The following AR variants were observed in gnomAD, a reference collection of about 807,000 sequenced individuals.
AR encodes dihydrotestosterone receptor.
A neutral mutation model predicts 53.9 loss-of-function variants in AR; 8 were observed. The ratio of observed to expected loss-of-function variants is 0.15; its 90% CI spans 0.09 to 0.27. The LOEUF (loss-of-function observed/expected upper bound fraction) is 0.27, where lower values mean the gene tolerates loss of function less well. AR is among the 10% of genes least tolerant of loss of function. AR has a pLI of 1.00. For missense variants in AR, 639 were observed against 742.5 expected (o/e 0.86, Z 1.62); for synonymous variants, 359 against 316.4 (o/e 1.13, Z -1.43).
At chrX:67,618,056 C>T (rs1924201788) in intron 1 of AR, among the ~76,000 whole-genome samples, 1 of 112,045 alleles carries the variant, frequency 8.9e-6, no homozygotes, top group Admixed American at 9.5e-5. Flanking sequence ...TTGCCTAATT[C>T]AAAAATATAC....
intron 1 of AR, among the ~76,000 whole-genome samples, chrX:67,569,212 T>TG (rs377337049): frequency 0.063 from 1,084 of 17,326 alleles, 19 homozygotes; most frequent in African/African-American, 0.17. Flanking sequence ...ATTTTGTGTG[T>TG]GGGGGGGGGT....
chrX:67,713,000 G>A (rs1345178951), intron 4 of AR, among the ~76,000 whole-genome samples: 1 of 111,635 alleles, frequency 9.0e-6, no homozygotes, highest in African/African-American at 3.3e-5. Flanking sequence ...TAGTTACATA[G>A]TCAGAAAATA....
At chrX:67,684,763 A>G (rs1024155584) in intron 2 of AR, among the ~76,000 whole-genome samples, 3 of 112,211 alleles carry the variant, frequency 2.7e-5, no homozygotes, top group Non-Finnish European at 3.8e-5. Context: ...AACCTACTAC[A>G]TAAAATAGCC....
At chrX:67,646,475 T>C (rs1278321576) in intron 2 of AR, among the ~76,000 whole-genome samples, 1 of 110,973 alleles carries the variant, frequency 9.0e-6, no homozygotes, top group Admixed American at 9.7e-5. Context: ...AGAAAGTTGG[T>C]CAAAGTCTGT....
chrX:67,559,279 C>T (rs1169162484), intron 1 of AR, among the ~76,000 whole-genome samples: 2 of 112,132 alleles, frequency 1.8e-5, no homozygotes, highest in African/African-American at 3.2e-5. Context: ...TCCCTCCATT[C>T]CTCCTCCGTA....
intron 2 of AR, among the ~76,000 whole-genome samples, chrX:67,663,647 A>G (rs968580224): frequency 4.5e-5 from 5 of 111,306 alleles, no homozygotes; most frequent in Non-Finnish European, 7.5e-5. Context: ...TGTTCTCTGT[A>G]TTTCCTGAAT....
intron 1 of AR, among the ~76,000 whole-genome samples, chrX:67,548,519 T>TG (rs776584925): frequency 1.8e-5 from 2 of 111,334 alleles, no homozygotes; most frequent in Non-Finnish European, 3.8e-5. Flanking sequence ...AAACTTTTCT[T>TG]GGGGGAAAAT....
chrX:67,544,431 T>A lies in AR; in HGVS notation c.-716T>A. On this transcript the variant is annotated 5_prime_UTR_variant, in exon 1 of 8. Coordinates refer to ENST00000374690, the MANE Select transcript of AR (RefSeq NM_000044.6). ...GTCGGCTACTCTCAGCCAACCCCCCTCACCACCCTTCTCCCCACCCGCCCC... is the reference window on the plus strand; with the variant it reads ...GTCGGCTACTCTCAGCCAACCCCCCACACCACCCTTCTCCCCACCCGCCCC... The A allele has an allele frequency of 9.9e-6, 1 of 101,200 alleles. No homozygotes were observed. The highest frequency in any genetic ancestry group is 4.6e-5 in the African/African-American group (1 of 21,733). The allele number at this position is 101,200 out of a possible 1,213,427, so 8.3% of individuals were successfully genotyped here. A position where few individuals can be genotyped will look rare whatever the true frequency, so the allele number is the denominator to read the frequency against.
intron 2 of AR, among the ~76,000 whole-genome samples, chrX:67,646,796 A>C (rs1011790567): frequency 9.9e-5 from 11 of 111,095 alleles, no homozygotes; most frequent in African/African-American, 3.6e-4. Context: ...TCTACAAATT[A>C]CAAACATAAT....
chrX:67,556,179 C>A (rs1255976517), intron 1 of AR, among the ~76,000 whole-genome samples: 1 of 111,196 alleles, frequency 9.0e-6, no homozygotes, highest in Admixed American at 9.5e-5. Flanking sequence ...TACTATTATT[C>A]CCATTATAAA....
chrX:67,568,412 A>G, intron 1 of AR, among the ~76,000 whole-genome samples: 1 of 111,630 alleles, frequency 9.0e-6, no homozygotes, highest in South Asian at 3.8e-4. Context: ...TCACAAGCAC[A>G]AACACTTTAC....
intron 2 of AR, among the ~76,000 whole-genome samples, chrX:67,650,611 T>C (rs991722860): frequency 8.9e-6 from 1 of 112,544 alleles, no homozygotes; most frequent in Non-Finnish European, 1.9e-5. Flanking sequence ...ATAGTAGCCA[T>C]GTGTGCAACT....
intron 1 of AR, among the ~76,000 whole-genome samples, chrX:67,621,671 T>G (rs1215417466): frequency 9.0e-6 from 1 of 111,453 alleles, no homozygotes; most frequent in Admixed American, 9.6e-5. Flanking sequence ...ATCCATGTTC[T>G]TTCAAAGGAC....
chrX:67,604,777 G>A (rs950402024), intron 1 of AR, among the ~76,000 whole-genome samples: 2 of 111,718 alleles, frequency 1.8e-5, no homozygotes, highest in African/African-American at 6.5e-5. Flanking sequence ...AAATAAATTA[G>A]TCATTGGTGC....
At chrX:67,622,316 A>T (rs772264990) in intron 1 of AR, among the ~76,000 whole-genome samples, 1 of 107,473 alleles carries the variant, frequency 9.3e-6, no homozygotes, top group South Asian at 3.8e-4. Context: ...CTAGAAAGCC[A>T]TTGGAAAAAA....
At chrX:67,695,812 C>T in intron 3 of AR, 2 of 747,319 alleles carry the variant, frequency 2.7e-6, no homozygotes, top group Non-Finnish European at 3.1e-6. Context: ...CACACACTCT[C>T]TCTCTCTCTC....
chrX:67,653,479 G>T (rs1926441757), intron 2 of AR, among the ~76,000 whole-genome samples: 1 of 111,674 alleles, frequency 9.0e-6, no homozygotes, highest in Non-Finnish European at 1.9e-5. Flanking sequence ...ATAAGAGTTT[G>T]CCAGATACAA....
intron 1 of AR, chrX:67,568,903 C>T (rs2147344114): frequency 8.3e-7 from 1 of 1,205,967 alleles, no homozygotes; most frequent in Non-Finnish European, 1.1e-6. Flanking sequence ...ATGCAAATGC[C>T]TGCCTGAAGC....
chrX:67,584,696 T>G (rs781325283), intron 1 of AR, among the ~76,000 whole-genome samples: 12 of 112,225 alleles, frequency 1.1e-4, no homozygotes, highest in Non-Finnish European at 2.3e-4. Flanking sequence ...AATCAGAAGG[T>G]AGAAAGGTTG....
Sources: gnomAD v4.1 joint callset for allele counts (sites outside exome capture counted in the v4.1 genomes callset) on GRCh38, gnomAD v4.1.1 for gene constraint, MANE v1.5 for transcripts, NCBI Gene and HGNC (gene_info 2026-07-23, HGNC 2026-07-21) for gene names.